PCDHA13: variants seen among roughly 807,000 people sequenced by gnomAD.
PCDHA13 encodes the protein protocadherin alpha-13.
PCDHA13 carries 54 observed loss-of-function variants against 64.8 expected under a neutral mutation model. That is an observed-to-expected ratio of 0.83 (90% CI 0.67 to 1.04). The LOEUF is 1.04. Ranked by LOEUF, PCDHA13 falls within the 50% of genes least tolerant of loss-of-function variation. PCDHA13 has a pLI of 0.00. For synonymous variants in PCDHA13, 587 were observed against 564.4 expected, an observed-to-expected ratio of 1.04 and a Z score of -0.57; for missense variants, 1,248 against 1,254.3, an observed-to-expected ratio of 0.99 and a Z score of 0.08.
rs114961630 is a variant in PCDHA13 at position 140,926,715 on chromosome 5, G to A, written c.2394+42053G>A. 1,110 of 952,350 alleles carry A rather than the reference G, an allele frequency of 1.2e-3. 9 individuals carry two copies. The African/African-American group carries it at 0.017, about 15-fold the overall frequency. The allele number at this position is 952,350 out of a possible 1,614,324, so 59.0% of individuals were successfully genotyped here. A position where few individuals can be genotyped will look rare whatever the true frequency, so the allele number is the denominator to read the frequency against. On this transcript the variant is annotated intron_variant, in intron 1 of 3. Transcript: ENST00000289272. ...GCCCGGCTCCCAGCTGGCCAGCCCC[G>A]GCAATGCCGGCGTTCGGGAGGCGCA... is the stretch of plus-strand genomic sequence containing the variant.
Position 140,943,601 on chromosome 5 carries a change from T to C in PCDHA13, c.2395-35348T>C, listed in dbSNP as rs148231077. ...TCTGAGTGGGGCTGAATTCTAAATA[T>C]AGACTTTGATTCATCTGCATAAGGA... On this transcript the variant is annotated intron_variant, in intron 1 of 3. Coordinates refer to ENST00000289272, the MANE Select transcript of PCDHA13 (RefSeq NM_018904.3). Among the ~76,000 whole-genome samples the C allele has an allele frequency of 1.9e-3, 291 of 152,290 alleles. 2 individuals carry two copies. The highest frequency in any genetic ancestry group is 6.6e-3 in the African/African-American group (276 of 41,566).
chr5:140,946,611 A>AATAT (rs1554217734), intron 1 of PCDHA13, among the ~76,000 whole-genome samples: 1,089 of 86,784 alleles, frequency 0.013, 135 homozygotes, highest in African/African-American at 0.062. Flanking sequence ...GAAAATGTGA[A>AATAT]ATATATATAT....
intron 1 of PCDHA13, chr5:140,968,375 T>G: frequency 6.2e-7 from 1 of 1,614,098 alleles, no homozygotes; most frequent in Non-Finnish European, 8.5e-7. Context: ...TGTCAACTCC[T>G]TTGACTATGA....
At chr5:140,958,218 A>C (rs1240262632) in intron 1 of PCDHA13, among the ~76,000 whole-genome samples, 2 of 152,120 alleles carry the variant, frequency 1.3e-5, no homozygotes, top group Admixed American at 1.3e-4. Flanking sequence ...TTAGATTTTA[A>C]AGGACTTTCA....
At chr5:140,995,837 C>T (rs1554254841) in intron 3 of PCDHA13, among the ~76,000 whole-genome samples, 2 of 152,158 alleles carry the variant, frequency 1.3e-5, no homozygotes, top group Non-Finnish European at 2.9e-5. Context: ...TGCACAGTGC[C>T]TCACATTTCT....
intron 1 of PCDHA13, chr5:140,927,810 G>A: frequency 2.5e-6 from 4 of 1,614,200 alleles, no homozygotes; most frequent in Non-Finnish European, 3.4e-6. Flanking sequence ...AAACGCTCTT[G>A]GAGGCATACA....
chr5:140,965,316 T>C (rs1411473254), intron 1 of PCDHA13, among the ~76,000 whole-genome samples: 2 of 152,200 alleles, frequency 1.3e-5, no homozygotes, highest in Admixed American at 6.5e-5. Context: ...CCTTCTCTTT[T>C]ACTGAAGTGA....
In PCDHA13 at chr5:140,970,874, G is replaced by A. The variant is rs191123160; in HGVS notation, c.2395-8075G>A. On this transcript the variant is annotated intron_variant, in intron 1 of 3. Coordinates refer to ENST00000289272, the MANE Select transcript of PCDHA13 (RefSeq NM_018904.3). ...AAAGTTCCATTCCTGATTGAGAGTA[G>A]ATTTTTCTCATGGACATTTCAGATA... Among the ~76,000 whole-genome samples the A allele has an allele frequency of 1.6e-4, 24 of 152,250 alleles. No individual in the cohort carries two copies. The East Asian group carries it at 2.7e-3, about 17-fold the overall frequency.
At chr5:141,007,395 C>CAAAAAAAAAAAAAAAAA (rs35800918) in intron 3 of PCDHA13, among the ~76,000 whole-genome samples, 5 of 94,868 alleles carry the variant, frequency 5.3e-5, no homozygotes, top group Non-Finnish European at 8.3e-5. Context: ...TACTAAAATA[C>CAAAAAAAAAAAAAAAAA]AAAAAAAAAA....
chr5:140,967,503 G>C (rs369053625), intron 1 of PCDHA13: 1 of 1,612,938 alleles, frequency 6.2e-7, no homozygotes, highest in Non-Finnish European at 8.5e-7. Context: ...ATCTCTGTGC[G>C]TGTCCTGGAC....
intron 1 of PCDHA13, among the ~76,000 whole-genome samples, chr5:140,963,630 C>T (rs1370293911): frequency 3.3e-5 from 5 of 152,140 alleles, no homozygotes; most frequent in African/African-American, 1.2e-4. Flanking sequence ...TTGTTGCATA[C>T]GCATCTTCCC....
At chr5:140,966,030 A>C (rs1554227994) in intron 1 of PCDHA13, among the ~76,000 whole-genome samples, 4 of 152,164 alleles carry the variant, frequency 2.6e-5, no homozygotes, top group Admixed American at 6.5e-5. Context: ...AGTCAGGTGA[A>C]TAGTTCCCAT....
intron 1 of PCDHA13, among the ~76,000 whole-genome samples, chr5:140,932,637 T>C (rs1554209011): frequency 6.6e-6 from 1 of 151,870 alleles, no homozygotes; most frequent in African/African-American, 2.4e-5. Context: ...TAAAAAACTT[T>C]AGAATGATGA....
At chr5:140,979,710 A>G (rs1178718053) in intron 2 of PCDHA13, among the ~76,000 whole-genome samples, 1 of 152,268 alleles carries the variant, frequency 6.6e-6, no homozygotes, top group Non-Finnish European at 1.5e-5. Flanking sequence ...GAGGTGATCC[A>G]GTATCCATGC....
rs1554181302 is a variant in PCDHA13 at position 140,884,167 on chromosome 5, G to T, written c.1899G>T (p.Thr633=). The change falls in exon 1 of 4, where the codon ACG becomes ACT. Residue 633 remains threonine (T), a synonymous_variant. Transcript: ENST00000289272. ...GGCTGTACACTGGCGAGATCAGCACGACGCGCCCTCTGGACGAGGTGGACG... is the reference window on the plus strand; with the variant it reads ...GGCTGTACACTGGCGAGATCAGCACTACGCGCCCTCTGGACGAGGTGGACG... The part of the protein sequence containing the change: ...RVGLYTGEIS[T]TRPLDEVDAP... 2 of 1,613,294 alleles carry T rather than the reference G, an allele frequency of 1.2e-6. No homozygotes were observed. The highest frequency in any genetic ancestry group is 1.3e-5 in the African/African-American group (1 of 74,916).
intron 1 of PCDHA13, among the ~76,000 whole-genome samples, chr5:140,904,135 G>A (rs1310606905): frequency 6.6e-5 from 10 of 151,986 alleles, no homozygotes; most frequent in Non-Finnish European, 1.0e-4. Context: ...CCCATCACCC[G>A]AGCAGTATAC....
intron 1 of PCDHA13, among the ~76,000 whole-genome samples, chr5:140,900,840 T>G (rs6874218): frequency 0.33 from 49,667 of 152,016 alleles, 8,381 homozygotes; most frequent in East Asian, 0.53. Flanking sequence ...ATGTACAAAG[T>G]TTCCCTTTTT....
intron 3 of PCDHA13, among the ~76,000 whole-genome samples, chr5:140,986,469 T>G (rs2097202307): frequency 6.6e-6 from 1 of 152,214 alleles, no homozygotes; most frequent in Non-Finnish European, 1.5e-5. Context: ...TGCCCTCTTG[T>G]GATCAGTTCC....
At position 140,924,046 on chromosome 5, in the gene PCDHA13, C is replaced by T. The variant is rs59270862; in HGVS notation, c.2394+39384C>T. Among the ~76,000 whole-genome samples, 1,259 of 152,276 alleles carry T rather than the reference C, an allele frequency of 8.3e-3. 10 individuals are homozygous for T. The highest frequency in any genetic ancestry group is 0.029 in the African/African-American group (1,206 of 41,556). ...AGGCATGGCTGCAGACCTAAAAGTT[C>T]GGTACATCTTTACAGTTGTATTTCA... is the stretch of plus-strand genomic sequence containing the variant. On this transcript the variant is annotated intron_variant, in intron 1 of 3. Coordinates refer to ENST00000289272, the MANE Select transcript of PCDHA13 (RefSeq NM_018904.3).
Sources: allele counts gnomAD v4.1 joint callset (sites outside exome capture counted in the v4.1 genomes callset), GRCh38; gene constraint gnomAD v4.1.1; transcripts MANE v1.5; gene names NCBI Gene and HGNC (gene_info 2026-07-23, HGNC 2026-07-21).